RYR2: variants seen among roughly 807,000 people sequenced by gnomAD.
The protein encoded by RYR2 is cardiac muscle ryanodine receptor-calcium release channel.
RYR2 carries 227 observed loss-of-function variants against 601.1 expected under a neutral mutation model. The observed-to-expected ratio is 0.38, with a 90% CI of 0.34 to 0.42. The LOEUF is 0.42. Among genes scored for constraint, RYR2 ranks in the 10% least tolerant of loss-of-function variants. The pLI is 1.00. For missense variants in RYR2, 4,646 were observed against 6,156.5 expected (o/e 0.75, Z 8.21); for synonymous variants, 2,223 against 2,175.1 (o/e 1.02, Z -0.61).
intron 1 of RYR2, among the ~76,000 whole-genome samples, chr1:237,084,466 A>G (rs970984015): frequency 6.6e-6 from 1 of 152,204 alleles, no homozygotes; most frequent in African/African-American, 2.4e-5. Flanking sequence ...CATAATTCTT[A>G]TAGGCAGCAA....
At chr1:237,478,037 CAG>C (rs1463543232) in intron 17 of RYR2, among the ~76,000 whole-genome samples, 1 of 152,138 alleles carries the variant, frequency 6.6e-6, no homozygotes, top group Non-Finnish European at 1.5e-5. Flanking sequence ...GATGAGGTCT[CAG>C]AGTGTAGTCA....
chr1:237,709,066 C>T lies in RYR2; in HGVS notation c.10110C>T (p.Tyr3370=). ...TGGCCAGAGATCTCTATGCCTTCTA[C>T]CCTCTCTTGATTAGATTTGTGGACT... is the stretch of plus-strand genomic sequence containing the variant. ...TTLARDLYAF[Y]PLLIRFVDYN... The change falls in exon 69 of 105, where the codon TAC becomes TAT. Residue 3370 remains tyrosine, a synonymous_variant. Coordinates refer to ENST00000366574, the MANE Select transcript of RYR2 (RefSeq NM_001035.3). The T allele has an allele frequency of 6.3e-7, 1 of 1,597,864 alleles. No homozygotes were observed. The highest frequency in any genetic ancestry group is 8.5e-7 in the Non-Finnish European group (1 of 1,170,732).
chr1:237,215,783 A>C (rs373935329), intron 1 of RYR2, among the ~76,000 whole-genome samples: 1 of 152,198 alleles, frequency 6.6e-6, no homozygotes, highest in African/African-American at 2.4e-5. Flanking sequence ...TTGGGGGATC[A>C]ATACTGTTTA....
chr1:237,796,419 A>C (rs570439932), intron 96 of RYR2, among the ~76,000 whole-genome samples: 2 of 152,196 alleles, frequency 1.3e-5, no homozygotes, highest in South Asian at 4.1e-4. Flanking sequence ...TCCCGAGAGA[A>C]TCCCCCGGCT....
intron 1 of RYR2, among the ~76,000 whole-genome samples, chr1:237,094,916 A>C (rs1222587554): frequency 6.6e-6 from 1 of 152,152 alleles, no homozygotes; most frequent in African/African-American, 2.4e-5. Flanking sequence ...TTATTAACAA[A>C]CAACCCAAGC....
intron 24 of RYR2, among the ~76,000 whole-genome samples, chr1:237,515,197 A>G (rs1305166467): frequency 6.6e-6 from 1 of 152,194 alleles, no homozygotes; most frequent in Non-Finnish European, 1.5e-5. Context: ...ATGACCCTCA[A>G]ATGTGACCAG....
At chr1:237,816,057 C>A (rs750626330) in intron 100 of RYR2, among the ~76,000 whole-genome samples, 1 of 152,112 alleles carries the variant, frequency 6.6e-6, no homozygotes, top group Non-Finnish European at 1.5e-5. Context: ...CACGCAGTTC[C>A]TCAAAGAAGC....
intron 80 of RYR2, among the ~76,000 whole-genome samples, chr1:237,754,152 A>T (rs572918381): frequency 8.2e-4 from 105 of 127,558 alleles, no homozygotes; most frequent in Admixed American, 1.4e-3. Flanking sequence ...TTTTGGCTCA[A>T]TGTTTTTTTT....
chr1:237,164,290 T>G (rs1385711674), intron 1 of RYR2, among the ~76,000 whole-genome samples: 1 of 152,014 alleles, frequency 6.6e-6, no homozygotes, highest in African/African-American at 2.4e-5. Flanking sequence ...CAAAAACAAA[T>G]TCAGAAAGCT....
At chr1:237,360,324 T>G (rs967600086) in intron 4 of RYR2, among the ~76,000 whole-genome samples, 14 of 152,186 alleles carry the variant, frequency 9.2e-5, no homozygotes, top group Non-Finnish European at 1.9e-4. Context: ...TGCTTTTGAT[T>G]TAGAGAAATT....
intron 45 of RYR2, 44 bp downstream of exon 45, chr1:237,638,536 T>A: frequency 6.3e-7 from 1 of 1,593,238 alleles, no homozygotes; most frequent in Non-Finnish European, 8.6e-7. Flanking sequence ...TCATTAAAAC[T>A]GCATAGAGAT....
At chr1:237,575,330 A>G (rs1372261553) in intron 29 of RYR2, among the ~76,000 whole-genome samples, 2 of 152,206 alleles carry the variant, frequency 1.3e-5, no homozygotes, top group African/African-American at 4.8e-5. Context: ...CTCTCCTGAC[A>G]CATCTATGGT....
intron 48 of RYR2, among the ~76,000 whole-genome samples, chr1:237,645,066 G>A (rs1470499282): frequency 1.3e-5 from 2 of 152,026 alleles, no homozygotes; most frequent in Admixed American, 1.3e-4. Flanking sequence ...AATTAGGCAG[G>A]AAGTGCATGC....
intron 71 of RYR2, among the ~76,000 whole-genome samples, chr1:237,716,613 C>T (rs1205058410): frequency 6.6e-6 from 1 of 152,064 alleles, no homozygotes; most frequent in African/African-American, 2.4e-5. Flanking sequence ...AACTGGTTAT[C>T]CAGATCGTCC....
chr1:237,442,920 T>G (rs1708034545), intron 13 of RYR2, among the ~76,000 whole-genome samples: 1 of 152,208 alleles, frequency 6.6e-6, no homozygotes, highest in Non-Finnish European at 1.5e-5. Flanking sequence ...AATTAAATTT[T>G]AAAAACGCAC....
chr1:237,130,777 T>C (rs1672081753), intron 1 of RYR2, among the ~76,000 whole-genome samples: 1 of 152,132 alleles, frequency 6.6e-6, no homozygotes, highest in Non-Finnish European at 1.5e-5. Context: ...CTAGCAGAAG[T>C]AAATGTTAAT....
intron 12 of RYR2, among the ~76,000 whole-genome samples, chr1:237,427,882 ATATTGCATGG>A (rs929264025): frequency 1.4e-4 from 21 of 151,248 alleles, no homozygotes; most frequent in Non-Finnish European, 2.8e-4. Flanking sequence ...ACAAAAAAGG[ATATTGCATGG>A]TATTGAAGAG....
chr1:237,483,757 A>G (rs535376894), intron 17 of RYR2, among the ~76,000 whole-genome samples: 1 of 152,184 alleles, frequency 6.6e-6, no homozygotes, highest in African/African-American at 2.4e-5. Flanking sequence ...TCGTTATGTC[A>G]CTTTATTTAA....
In RYR2 at chr1:237,675,375, T is replaced by C. The variant is rs186308808; in HGVS notation, c.8830+529T>C. Among the ~76,000 whole-genome samples the C allele has an allele frequency of 2.0e-5, 3 of 152,280 alleles. No individual in the cohort carries two copies. The East Asian group carries it at 5.8e-4, about 29-fold the overall frequency. On this transcript the variant is annotated intron_variant, in intron 60 of 104. Coordinates refer to ENST00000366574, the MANE Select transcript of RYR2 (RefSeq NM_001035.3). ...TGTCTCAAAATTTTTAAAACCTCAT[T>C]CTTTAAGTCTTAGATTCAGCACAGA...
Sources: gnomAD v4.1 joint callset for allele counts (sites outside exome capture counted in the v4.1 genomes callset) on GRCh38, gnomAD v4.1.1 for gene constraint, MANE v1.5 for transcripts, NCBI Gene and HGNC (gene_info 2026-07-23, HGNC 2026-07-21) for gene names.